The following RNF213 variants were observed in gnomAD, a reference collection of about 807,000 sequenced individuals.
The protein encoded by RNF213 is E3 ubiquitin-protein ligase RNF213.
Under a neutral mutation model 514.4 loss-of-function variants are expected in RNF213, and 341 were observed. The observed-to-expected ratio is 0.66, with a 90% CI of 0.61 to 0.73. RNF213 has a LOEUF of 0.73. Among genes scored for constraint, RNF213 ranks in the 30% least tolerant of loss-of-function variants. RNF213 has a pLI of 0.00. For synonymous variants in RNF213, 2,655 were observed against 2,658.2 expected, an observed-to-expected ratio of 1.00 and a Z score of 0.04; for missense variants, 5,767 against 6,615.6, an observed-to-expected ratio of 0.87 and a Z score of 4.45.
Position 80,287,970 on chromosome 17 carries a change from G to A in RNF213, c.417G>A (p.Gln139=). The change falls in exon 4 of 68, where the codon CAG becomes CAA. Residue 139 remains glutamine, a synonymous_variant. Transcript: ENST00000582970. Reference sequence around the variant, plus strand: ...CAGCCCTGCCCCACAGCCAAGCCCAGCAGAGTGGCCCCACTGGCCAGCCGA... The same window carrying A: ...CAGCCCTGCCCCACAGCCAAGCCCAACAGAGTGGCCCCACTGGCCAGCCGA... ...QDTALPHSQA[Q]QSGPTGQPSQ... 1.3e-6 allele frequency: 2 copies of A among 1,574,894 alleles called. No homozygotes were observed. Among genetic ancestry groups the A allele is most frequent in the Non-Finnish European group, 1.7e-6 (2 of 1,160,488 alleles).
intron 47 of RNF213, 97 bp downstream of exon 47, chr17:80,372,082 G>C: frequency 2.6e-6 from 2 of 779,732 alleles, no homozygotes; most frequent in East Asian, 2.6e-5. Context: ...TATAATTAAC[G>C]AATGCTCTGT....
At position 80,343,420 on chromosome 17, in the gene RNF213, T is replaced by C; in HGVS notation, c.6183+95T>C. On this transcript the variant is annotated intron_variant, in intron 27 of 67. Transcript: ENST00000582970. The surrounding 1 kb of genome is among the most constrained non-coding windows in gnomAD (Gnocchi z 4.3). Reference sequence around the variant, plus strand: ...CCTCCCCGTGTATAGAATTCCTTGTTTCCACACGCACAGTCCTGTGAAGCT... The same window carrying C: ...CCTCCCCGTGTATAGAATTCCTTGTCTCCACACGCACAGTCCTGTGAAGCT... The C allele has an allele frequency of 1.8e-6, 2 of 1,089,984 alleles. No individual in the cohort carries two copies. The highest frequency in any genetic ancestry group is 2.7e-6 in the Non-Finnish European group (2 of 730,032). 67.5% of individuals were successfully genotyped at this position (1,089,984 alleles called of 1,614,324 possible).
rs1421581020 is a variant in RNF213 at position 80,317,177 on chromosome 17, G to T, written c.2812-11G>T. 4 of 1,610,410 alleles carry T rather than the reference G, an allele frequency of 2.5e-6. No homozygotes were observed. In the South Asian group the frequency reaches 4.5e-5, roughly 18 times the overall value. On this transcript the variant is annotated splice_polypyrimidine_tract_variant and intron_variant, in intron 15 of 67. Coordinates refer to ENST00000582970, the MANE Select transcript of RNF213 (RefSeq NM_001256071.3). The surrounding 1 kb of genome is among the most constrained non-coding windows in gnomAD (Gnocchi z 4.1). ...GTGAGAGTGGGTGTGACCTGTGTGC[G>T]GGTTTTGCAGGTCTGGAGGCGGCTG...
intron 11 of RNF213, among the ~76,000 whole-genome samples, chr17:80,299,381 C>G (rs1199870918): frequency 6.6e-6 from 1 of 152,160 alleles, no homozygotes; most frequent in African/African-American, 2.4e-5. Context: ...ACAAGTGGAA[C>G]TGCTAGGTCA....
chr17:80,392,348 G>A (rs758857802), intron 67 of RNF213, among the ~76,000 whole-genome samples: 4 of 152,168 alleles, frequency 2.6e-5, no homozygotes, highest in Non-Finnish European at 4.4e-5. Context: ...CTTTGTTAAT[G>A]TGAAACATGT....
At chr17:80,375,471 G>T (rs2079711592) in intron 50 of RNF213, among the ~76,000 whole-genome samples, 1 of 151,982 alleles carries the variant, frequency 6.6e-6, no homozygotes. Flanking sequence ...GGAGGCCGAG[G>T]CATGCAGATC....
chr17:80,363,297 C>A lies in RNF213; in HGVS notation c.11551C>A (p.Leu3851Met), dbSNP rs528998140. The A allele has an allele frequency of 6.2e-7, 1 of 1,613,914 alleles. No homozygotes were observed. The highest frequency in any genetic ancestry group is 1.7e-5 in the Admixed American group (1 of 60,032). Residue 3851 changes from leucine (L) to methionine (M), a missense_variant, in exon 40 of 68, where the codon CTG becomes ATG. Physicochemically the swap from Leu to Met is conservative, Grantham distance 15. Around this residue, in one of 13 missense-constraint regions of RNF213, gnomAD observed 355 missense variants for 358.0 expected, o/e 0.99. Transcript: ENST00000582970. ...SLMEARWNHE[L>M]AGCEMTLDAF... ...GATGGAAGCCCGTTGGAACCATGAGCTGGCTGGATGTGAGATGGTATGGCC... is the reference window on the plus strand; with the variant it reads ...GATGGAAGCCCGTTGGAACCATGAGATGGCTGGATGTGAGATGGTATGGCC...
At chr17:80,393,260 CGT>C in intron 67 of RNF213, 83 bp from the exon 68 acceptor site, 1 of 1,113,144 alleles carries the variant, frequency 9.0e-7, no homozygotes, top group Non-Finnish European at 1.3e-6. Context: ...GGCTTACACA[CGT>C]GAGCCACACA....
intron 31 of RNF213, among the ~76,000 whole-genome samples, chr17:80,351,315 C>T (rs951152574): frequency 1.3e-5 from 2 of 152,206 alleles, no homozygotes; most frequent in Admixed American, 6.5e-5. Flanking sequence ...AGACCCCCAT[C>T]GCTTAAGAGA....
Position 80,298,404 on chromosome 17 carries a change from A to G in RNF213, c.2096A>G (p.His699Arg). 3 of 1,614,182 alleles carry G rather than the reference A, an allele frequency of 1.9e-6. No homozygotes were observed. Among genetic ancestry groups the G allele is most frequent in the Non-Finnish European group, 1.7e-6 (2 of 1,180,024 alleles). The change falls in exon 11 of 68, where the codon CAC becomes CGC. Residue 699 changes from histidine to arginine, a missense_variant. Coordinates refer to ENST00000582970, the MANE Select transcript of RNF213 (RefSeq NM_001256071.3). ...YTWLGALPVL[H>R]CCMELAPRHK... The stretch of plus-strand genomic sequence containing the variant: ...TGGCTGGGCGCCCTGCCTGTCCTGC[A>G]CTGCTGTATGGAGCTGGCCCCGCGG...
intron 12 of RNF213, 49 bp downstream of exon 12, chr17:80,306,517 T>C: frequency 6.5e-7 from 1 of 1,536,462 alleles, no homozygotes; most frequent in Non-Finnish European, 9.0e-7. Context: ...AAAAGCAGAC[T>C]AGATAACTAA....
intron 15 of RNF213, among the ~76,000 whole-genome samples, chr17:80,315,317 G>C (rs1022270044): frequency 7.9e-5 from 3 of 38,092 alleles, no homozygotes; most frequent in Non-Finnish European, 1.5e-4. Flanking sequence ...AGGTGATGGT[G>C]GTGGTGGTGA....
intron 36 of RNF213, among the ~76,000 whole-genome samples, chr17:80,355,676 G>A (rs1157322590): frequency 5.4e-5 from 3 of 55,334 alleles, no homozygotes; most frequent in Non-Finnish European, 7.8e-5. Context: ...GCTTACAGGG[G>A]GAAGAAGCGG....
chr17:80,381,817 G>C (rs1025076106), intron 57 of RNF213, 90 bp downstream of exon 57: 7 of 1,161,574 alleles, frequency 6.0e-6, no homozygotes, highest in Non-Finnish European at 8.7e-6. Context: ...CCCACACACA[G>C]CCAGTCTGAG....
intron 11 of RNF213, among the ~76,000 whole-genome samples, chr17:80,302,551 G>A (rs2045218087): frequency 6.6e-6 from 1 of 152,092 alleles, no homozygotes; most frequent in Non-Finnish European, 1.5e-5. Context: ...ATTATTATGT[G>A]TCAGTTTAAA....
At chr17:80,361,955 C>T (rs983889095) in intron 39 of RNF213, 67 bp downstream of exon 39, 7 of 1,547,836 alleles carry the variant, frequency 4.5e-6, no homozygotes, top group Middle Eastern at 1.7e-4. Context: ...GATGCAGACA[C>T]GGAGACGTTT....
rs541263205 is a variant in RNF213 at position 80,342,750 on chromosome 17, G to A, written c.5990-382G>A. 6.9e-3 allele frequency among the ~76,000 whole-genome samples: 989 copies of A among 143,582 alleles called. 19 individuals carry two copies. Among genetic ancestry groups the A allele is most frequent in the African/African-American group, 0.024 (933 of 38,882 alleles). 94.2% of individuals were successfully genotyped at this position (143,582 alleles called of 152,430 possible). The stretch of plus-strand genomic sequence containing the variant: ...TATATATATTATATATATATTGTAT[G>A]TATATATATATTATATATATATATT... On this transcript the variant is annotated intron_variant, in intron 26 of 67. Transcript: ENST00000582970.
At chr17:80,325,684 C>T (rs559405836) in intron 18 of RNF213, among the ~76,000 whole-genome samples, 2 of 152,034 alleles carry the variant, frequency 1.3e-5, no homozygotes, top group East Asian at 3.9e-4. Context: ...TCCCCCCAGC[C>T]CCCCGCGCCC....
intron 54 of RNF213, among the ~76,000 whole-genome samples, chr17:80,378,067 T>A (rs1211007253): frequency 6.6e-6 from 1 of 152,090 alleles, no homozygotes; most frequent in Non-Finnish European, 1.5e-5. Context: ...TGACCTCGAG[T>A]CCCTGGATGC....
Sources: gnomAD v4.1 joint callset for allele counts (sites outside exome capture counted in the v4.1 genomes callset) on GRCh38, gnomAD v4.1.1 for gene constraint, gnomAD v4.1.1 regional missense constraint, Gnocchi (gnomAD v3.1) non-coding constraint, MANE v1.5 for transcripts, NCBI Gene and HGNC (gene_info 2026-07-23, HGNC 2026-07-21) for gene names.